Variants in NHSL2 observed in about 807,000 individuals in gnomAD.
The protein encoded by NHSL2 is NHS like 2.
NHSL2 carries 27 observed loss-of-function variants against 53.4 expected under a neutral mutation model. The ratio of observed to expected loss-of-function variants is 0.51; its 90% CI spans 0.37 to 0.70. The LOEUF (loss-of-function observed/expected upper bound fraction) is 0.70. Ranked by LOEUF, NHSL2 falls within the 30% of genes least tolerant of loss-of-function variation. The pLI is 0.00. For synonymous variants in NHSL2, 408 were observed against 404.1 expected, an observed-to-expected ratio of 1.01 and a Z score of -0.12; for missense variants, 892 against 980.1, an observed-to-expected ratio of 0.91 and a Z score of 1.20.
chrX:71,979,016 GT>G (rs1220140289), intron 1 of NHSL2, among the ~76,000 whole-genome samples: 1 of 105,727 alleles, frequency 9.5e-6, no homozygotes. Context: ...GCGGTGTTTG[GT>G]TTTTTGTCCT....
intron 1 of NHSL2, among the ~76,000 whole-genome samples, chrX:71,945,842 C>T (rs1033869577): frequency 2.7e-5 from 3 of 111,890 alleles, no homozygotes; most frequent in Admixed American, 1.9e-4. Context: ...TTACACATGC[C>T]ATCTTGTTTA....
chrX:71,986,110 A>G (rs915438565), intron 1 of NHSL2, among the ~76,000 whole-genome samples: 2 of 111,926 alleles, frequency 1.8e-5, no homozygotes, highest in Non-Finnish European at 3.8e-5. Flanking sequence ...ATATTTCTAG[A>G]AATACAGCCC....
intron 1 of NHSL2, among the ~76,000 whole-genome samples, chrX:72,088,882 CT>C (rs1442969787): frequency 8.9e-6 from 1 of 112,541 alleles, no homozygotes. Context: ...CCTTTGTCTC[CT>C]TCCAGCATGC....
chrX:72,024,412 G>C (rs2042175117), intron 1 of NHSL2, among the ~76,000 whole-genome samples: 1 of 111,958 alleles, frequency 8.9e-6, no homozygotes, highest in Non-Finnish European at 1.9e-5. Context: ...GACCTAGGAA[G>C]ATGTGGCCTT....
rs1000540784 is a variant in NHSL2 at position 72,150,842 on chromosome X, T to C, written c.*7268T>C. 2.7e-5 allele frequency: 3 copies of C among 112,207 alleles called. No individual in the cohort carries two copies. The highest frequency in any genetic ancestry group is 5.6e-5 in the Non-Finnish European group (3 of 53,244). The allele number at this position is 112,207 out of a possible 1,213,427, so 9.2% of individuals were successfully genotyped here. On this transcript the variant is annotated 3_prime_UTR_variant, in exon 8 of 8. Coordinates refer to ENST00000633930, the MANE Select transcript of NHSL2 (RefSeq NM_001013627.3). ...CTTTTCGAGGATGCTTAGAGGCTTC[T>C]CACCAGAGATTGGTGAGGTTTCCCC...
chrX:71,991,621 TAGA>T (rs1389107155), intron 1 of NHSL2, among the ~76,000 whole-genome samples: 1 of 112,640 alleles, frequency 8.9e-6, no homozygotes, highest in Non-Finnish European at 1.9e-5. Context: ...ATTTATAGAC[TAGA>T]AAGGACCAAG....
Position 72,139,840 on chromosome X carries a change from TC to T in NHSL2, c.2295del (p.Lys766SerfsTer10). On this transcript the variant is annotated frameshift_variant, in exon 6 of 8. Coordinates refer to ENST00000633930, the MANE Select transcript of NHSL2 (RefSeq NM_001013627.3). LOFTEE classifies it high-confidence loss of function. ...CCCCGACGTCACCAATGGAGAAATT[TC>T]CCAAGTCACGGCTATCATTTGACCT... is the stretch of plus-strand genomic sequence containing the variant. Reference protein sequence around the residue: ...LPPTSPMEKFPKSRLSFDLPL... With the variant: ...LPPTSPMEKFXKSRLSFDLPL... 4 of 1,210,489 alleles carry T rather than the reference TC, an allele frequency of 3.3e-6. No individual in the cohort carries two copies. The highest frequency in any genetic ancestry group is 4.5e-6 in the Non-Finnish European group (4 of 894,637).
intron 1 of NHSL2, among the ~76,000 whole-genome samples, chrX:72,051,126 A>G (rs1210308536): frequency 8.9e-6 from 1 of 111,832 alleles, no homozygotes; most frequent in African/African-American, 3.3e-5. Context: ...TTCTTCACTC[A>G]GTGTTATGTT....
chrX:72,018,520 C>A (rs1010088879), intron 1 of NHSL2, among the ~76,000 whole-genome samples: 2 of 113,102 alleles, frequency 1.8e-5, no homozygotes, highest in Non-Finnish European at 3.8e-5. Context: ...GCAAGCGTTG[C>A]CGCGCCGCTA....
At chrX:72,090,772 AGTGTGTGTGTGTGT>A (rs372070874) in intron 1 of NHSL2, among the ~76,000 whole-genome samples, 23 of 94,026 alleles carry the variant, frequency 2.4e-4, no homozygotes, top group Non-Finnish European at 3.9e-4. Flanking sequence ...AGTGTATGTG[AGTGTGTGTGTGTGT>A]GTGTGTGTGT....
chrX:72,113,948 C>G (rs1180415831), intron 1 of NHSL2, among the ~76,000 whole-genome samples: 1 of 112,308 alleles, frequency 8.9e-6, no homozygotes, highest in Non-Finnish European at 1.9e-5. Context: ...ACTAGGGCCT[C>G]TGACTGCCCA....
chrX:72,093,721 G>GCTTGCTTT (rs1216358306), intron 1 of NHSL2, among the ~76,000 whole-genome samples: 1,239 of 95,286 alleles, frequency 0.013, 13 homozygotes, highest in Non-Finnish European at 0.018. Flanking sequence ...TAGCTTGCTT[G>GCTTGCTTT]CTTTCTTTCT....
At chrX:71,953,479 C>T (rs2041829847) in intron 1 of NHSL2, among the ~76,000 whole-genome samples, 1 of 111,944 alleles carries the variant, frequency 8.9e-6, no homozygotes, top group Non-Finnish European at 1.9e-5. Context: ...AAAAAATTAA[C>T]TAAATAATAG....
chrX:72,134,799 C>A, intron 4 of NHSL2, 95 bp downstream of exon 4: 1 of 650,216 alleles, frequency 1.5e-6, no homozygotes, highest in Non-Finnish European at 2.3e-6. Flanking sequence ...GGAAGTGAGA[C>A]TTTCTTTGCT....
chrX:72,137,546 A>G (rs946056354), intron 5 of NHSL2, among the ~76,000 whole-genome samples: 1 of 112,011 alleles, frequency 8.9e-6, no homozygotes. Context: ...TCATCTTAAC[A>G]GAACCATTAC....
chrX:72,059,139 G>T (rs1336145754), intron 1 of NHSL2, among the ~76,000 whole-genome samples: 2 of 111,036 alleles, frequency 1.8e-5, no homozygotes, highest in Non-Finnish European at 3.8e-5. Context: ...TGCACCTGCT[G>T]GTTTTCCAGG....
chrX:71,965,182 A>G (rs777891455), intron 1 of NHSL2, among the ~76,000 whole-genome samples: 1 of 112,457 alleles, frequency 8.9e-6, no homozygotes, highest in Non-Finnish European at 1.9e-5. Flanking sequence ...AAAAGCCATC[A>G]CCATACACCA....
Position 72,132,146 on chromosome X carries a change from A to C in NHSL2, c.348A>C (p.Pro116=). Residue 116 remains proline, a synonymous_variant, in exon 2 of 8, where the codon CCA becomes CCC. Coordinates refer to ENST00000633930, the MANE Select transcript of NHSL2 (RefSeq NM_001013627.3). ...ACTCGAGGTCGTCATGGCGACAGCC[A>C]GTGAACGTGTTCCTCTCCTCGGGCA... is the stretch of plus-strand genomic sequence containing the variant. ...TAHSRSSWRQ[P]VNVFLSSGRP... 8.6e-7 allele frequency: 1 copy of C among 1,167,101 alleles called. No homozygotes were observed. Among genetic ancestry groups the C allele is most frequent in the African/African-American group, 1.8e-5 (1 of 56,417 alleles).
chrX:72,112,890 C>G (rs750624604), intron 1 of NHSL2, among the ~76,000 whole-genome samples: 1 of 111,257 alleles, frequency 9.0e-6, no homozygotes, highest in South Asian at 3.7e-4. Context: ...GCATTTCACT[C>G]TGTTGGCCAG....
Sources: gnomAD v4.1 joint callset for allele counts (sites outside exome capture counted in the v4.1 genomes callset) on GRCh38, gnomAD v4.1.1 for gene constraint, MANE v1.5 for transcripts, NCBI Gene and HGNC (gene_info 2026-07-23, HGNC 2026-07-21) for gene names.